STXBP5L: variants seen among roughly 807,000 people sequenced by gnomAD.
STXBP5L encodes syntaxin binding protein 5L, also known as syntaxin-binding protein 5-like.
Under a neutral mutation model 144.5 loss-of-function variants are expected in STXBP5L, and 65 were observed. That is an observed-to-expected ratio of 0.45 (90% CI 0.37 to 0.55). The LOEUF (loss-of-function observed/expected upper bound fraction) is 0.55, where lower values mean the gene tolerates loss of function less well. Ranked by LOEUF, STXBP5L falls within the 20% of genes least tolerant of loss-of-function variation. The pLI is 0.00. For synonymous variants in STXBP5L, 505 were observed against 469.6 expected (o/e 1.08, Z -0.97); for missense variants, 1,298 against 1,405.5 (o/e 0.92, Z 1.22).
intron 3 of STXBP5L, among the ~76,000 whole-genome samples, chr3:121,034,745 G>C (rs569206337): frequency 5.9e-5 from 9 of 152,198 alleles, no homozygotes; most frequent in South Asian, 4.1e-4. Context: ...ACCTAATATT[G>C]GGATTGCTGG....
chr3:121,016,208 C>T (rs761532177), intron 3 of STXBP5L, among the ~76,000 whole-genome samples: 1 of 152,062 alleles, frequency 6.6e-6, no homozygotes, highest in Non-Finnish European at 1.5e-5. Context: ...ACAAGGCATT[C>T]CAAAGACCAG....
At chr3:120,956,196 G>C (rs1225808333) in intron 3 of STXBP5L, among the ~76,000 whole-genome samples, 2 of 151,800 alleles carry the variant, frequency 1.3e-5, no homozygotes, top group Non-Finnish European at 2.9e-5. Flanking sequence ...AGATATTTTA[G>C]TTTTAATTTT....
At chr3:121,062,911 C>CT (rs2041354209) in intron 5 of STXBP5L, among the ~76,000 whole-genome samples, 1 of 152,094 alleles carries the variant, frequency 6.6e-6, no homozygotes, top group East Asian at 1.9e-4. Context: ...TGCATCTGAC[C>CT]TTTTTTCTAG....
Position 121,279,874 on chromosome 3 carries a change from G to A in STXBP5L, c.2028G>A (p.Met676Ile). ...TACAGAAGACAGTACTGTTAAGCAT[G>A]GGGACCATTGACCTATATAGATCAA... The part of the protein sequence containing the change: ...DFIQKTVLLS[M>I]GTIDLYRSSD... The change falls in exon 19 of 27, where the codon ATG (methionine) becomes ATA (isoleucine). Residue 676 changes from methionine (M) to isoleucine (I), a missense_variant. Transcript: ENST00000471454. 6.2e-7 allele frequency: 1 copy of A among 1,612,602 alleles called. No homozygotes were observed. The highest frequency in any genetic ancestry group is 8.5e-7 in the Non-Finnish European group (1 of 1,178,950).
At chr3:121,148,693 G>A (rs1472553022) in intron 7 of STXBP5L, among the ~76,000 whole-genome samples, 1 of 152,038 alleles carries the variant, frequency 6.6e-6, no homozygotes, top group Non-Finnish European at 1.5e-5. Context: ...GAAGTGGTTG[G>A]TATAACCACT....
chr3:121,362,239 T>G (rs1021092424), intron 20 of STXBP5L, among the ~76,000 whole-genome samples: 1 of 152,222 alleles, frequency 6.6e-6, no homozygotes. Context: ...CAGACCTAAA[T>G]TTAGTGTAGC....
intron 22 of STXBP5L, among the ~76,000 whole-genome samples, chr3:121,392,097 G>T (rs917512441): frequency 7.9e-5 from 12 of 152,100 alleles, no homozygotes; most frequent in Non-Finnish European, 1.8e-4. Context: ...ACCTACTCAA[G>T]CCTCAACAAT....
At chr3:121,183,673 G>A (rs965800883) in intron 9 of STXBP5L, among the ~76,000 whole-genome samples, 6 of 151,680 alleles carry the variant, frequency 4.0e-5, no homozygotes, top group African/African-American at 9.7e-5. Flanking sequence ...AGGAAGGGAG[G>A]GAGGGAGGAA....
chr3:121,206,665 T>C (rs1192143302), intron 10 of STXBP5L, among the ~76,000 whole-genome samples: 2 of 151,890 alleles, frequency 1.3e-5, no homozygotes, highest in Non-Finnish European at 2.9e-5. Context: ...CACAAAAAAA[T>C]TAGCTGGGCA....
At chr3:121,386,097 A>G (rs575253782) in intron 22 of STXBP5L, among the ~76,000 whole-genome samples, 2 of 152,280 alleles carry the variant, frequency 1.3e-5, no homozygotes, top group Admixed American at 6.5e-5. Context: ...CTAAACTGCA[A>G]TAAGAACTAA....
At chr3:121,015,840 G>C (rs1945107287) in intron 3 of STXBP5L, among the ~76,000 whole-genome samples, 1 of 152,164 alleles carries the variant, frequency 6.6e-6, no homozygotes, top group African/African-American at 2.4e-5. Flanking sequence ...GGCAAAAGGT[G>C]TTACAACTGG....
intron 22 of STXBP5L, among the ~76,000 whole-genome samples, chr3:121,404,373 C>T (rs899735833): frequency 1.4e-4 from 22 of 152,144 alleles, no homozygotes; most frequent in African/African-American, 5.1e-4. Context: ...ATCCATTTTT[C>T]ACGCACACTA....
intron 14 of STXBP5L, among the ~76,000 whole-genome samples, chr3:121,242,539 C>T (rs921786930): frequency 2.6e-5 from 4 of 151,880 alleles, no homozygotes; most frequent in South Asian, 4.1e-4. Context: ...ACTACTGACA[C>T]GTCAAAATGG....
chr3:121,132,028 C>T (rs1267245400), intron 7 of STXBP5L, among the ~76,000 whole-genome samples: 5 of 152,142 alleles, frequency 3.3e-5, no homozygotes, highest in Admixed American at 3.3e-4. Flanking sequence ...GAGGTAAGAA[C>T]TTTGTTCATG....
intron 10 of STXBP5L, among the ~76,000 whole-genome samples, chr3:121,209,841 A>T (rs1278436736): frequency 1.3e-5 from 2 of 152,248 alleles, no homozygotes; most frequent in African/African-American, 4.8e-5. Context: ...ACTGATGGAC[A>T]TTTGGGTTGG....
chr3:120,966,257 C>T (rs1264320155), intron 3 of STXBP5L, among the ~76,000 whole-genome samples: 2 of 152,106 alleles, frequency 1.3e-5, no homozygotes, highest in African/African-American at 4.8e-5. Flanking sequence ...TTTGTTATTA[C>T]TGACCTTCCG....
At chr3:120,987,690 A>T (rs949048634) in intron 3 of STXBP5L, among the ~76,000 whole-genome samples, 1 of 151,470 alleles carries the variant, frequency 6.6e-6, no homozygotes, top group Non-Finnish European at 1.5e-5. Flanking sequence ...AATATTGATG[A>T]TTTTTTCCTT....
At chr3:120,915,095 C>G (rs1019950819) in intron 2 of STXBP5L, among the ~76,000 whole-genome samples, 13 of 152,156 alleles carry the variant, frequency 8.5e-5, no homozygotes, top group African/African-American at 3.1e-4. Context: ...GGTTGTTGGT[C>G]TTGTATAGTG....
chr3:121,217,124 G>C (rs2048805513), intron 10 of STXBP5L, among the ~76,000 whole-genome samples: 1 of 152,154 alleles, frequency 6.6e-6, no homozygotes, highest in Non-Finnish European at 1.5e-5. Context: ...ATGCTCTGTG[G>C]GGTTGGGATC....
Sources: gnomAD v4.1 joint callset for allele counts (sites outside exome capture counted in the v4.1 genomes callset) on GRCh38, gnomAD v4.1.1 for gene constraint, MANE v1.5 for transcripts, NCBI Gene and HGNC (gene_info 2026-07-23, HGNC 2026-07-21) for gene names.